QTGAL: variants seen among roughly 807,000 people sequenced by gnomAD.
QTGAL encodes queuosine-tRNA galactosyltransferase.
chr17:82,998,873 G>T, the QTGAL span, among the ~76,000 whole-genome samples: 3 of 151,756 alleles, frequency 2.0e-5, no homozygotes, highest in Non-Finnish European at 4.4e-5. Flanking sequence ...ATACATCTAC[G>T]AAAAGATGTT....
the QTGAL span, among the ~76,000 whole-genome samples, chr17:82,984,040 G>A: frequency 3.7e-5 from 5 of 136,468 alleles, no homozygotes; most frequent in Admixed American, 1.5e-4. Context: ...GGCCACGTGA[G>A]CACACAGGAG....
chr17:83,026,855 C>G, the QTGAL span, among the ~76,000 whole-genome samples: 1 of 131,914 alleles, frequency 7.6e-6, no homozygotes, highest in Non-Finnish European at 1.6e-5. Context: ...CCTCGACAGA[C>G]ACACAGAGCG....
At chr17:83,008,873 T>C in the QTGAL span, among the ~76,000 whole-genome samples, 1 of 151,640 alleles carries the variant, frequency 6.6e-6, no homozygotes, top group Middle Eastern at 3.2e-3. Flanking sequence ...GCCGAACGAG[T>C]GTGCGGGCTC....
At chr17:82,960,156 A>T in the QTGAL span, among the ~76,000 whole-genome samples, 1 of 152,130 alleles carries the variant, frequency 6.6e-6, no homozygotes, top group African/African-American at 2.4e-5. Context: ...TGCAGGAGTG[A>T]GGATGATGCC....
At chr17:82,990,365 C>T in the QTGAL span, among the ~76,000 whole-genome samples, 5 of 152,246 alleles carry the variant, frequency 3.3e-5, no homozygotes, top group Non-Finnish European at 7.3e-5. Flanking sequence ...GGAACGCCAA[C>T]GCAGGCAGTG....
chr17:83,012,627 C>A, the QTGAL span, among the ~76,000 whole-genome samples: 1 of 152,310 alleles, frequency 6.6e-6, no homozygotes, highest in South Asian at 2.1e-4. Flanking sequence ...GCAAAGGGAG[C>A]CGTTGGGCAG....
At chr17:82,967,954 T>G in the QTGAL span, among the ~76,000 whole-genome samples, 3 of 151,736 alleles carry the variant, frequency 2.0e-5, no homozygotes, top group South Asian at 6.3e-4. Flanking sequence ...ATATAAAAAG[T>G]AAAAATAAAA....
chr17:83,048,926 A>G, the QTGAL span: 27 of 683,474 alleles, frequency 4.0e-5, 1 homozygote, highest in East Asian at 1.0e-4. Flanking sequence ...GGCTCTTAAC[A>G]TGCTTGTAAG....
At chr17:83,001,439 G>A in the QTGAL span, among the ~76,000 whole-genome samples, 1 of 152,300 alleles carries the variant, frequency 6.6e-6, no homozygotes, top group East Asian at 1.9e-4. Flanking sequence ...AAAGGAAGAA[G>A]ATGAGAAAGT....
At chr17:83,043,283 C>G in the QTGAL span, among the ~76,000 whole-genome samples, 1 of 152,176 alleles carries the variant, frequency 6.6e-6, no homozygotes, top group African/African-American at 2.4e-5. Flanking sequence ...TAAAATGTAC[C>G]TTAAACATTT....
At chr17:82,949,477 G>A in the QTGAL span, 5 of 152,150 alleles carry the variant, frequency 3.3e-5, no homozygotes, top group Admixed American at 2.6e-4. Flanking sequence ...CAGTGCCACC[G>A]AGGTGCCCTG....
the QTGAL span, among the ~76,000 whole-genome samples, chr17:82,997,926 A>ATATAT: frequency 2.8e-3 from 272 of 97,508 alleles, 2 homozygotes; most frequent in Non-Finnish European, 3.6e-3. Context: ...GGTTTAAAAA[A>ATATAT]AAAAATATAT....
At chr17:83,008,089 G>A in the QTGAL span, among the ~76,000 whole-genome samples, 1 of 152,256 alleles carries the variant, frequency 6.6e-6, no homozygotes, top group African/African-American at 2.4e-5. Flanking sequence ...AGGAGGCGCA[G>A]GGAAGAGGTG....
At chr17:83,027,231 A>T in the QTGAL span, among the ~76,000 whole-genome samples, 1 of 152,310 alleles carries the variant, frequency 6.6e-6, no homozygotes, top group East Asian at 1.9e-4. Context: ...AGCTACCCTC[A>T]CACCGCCAAG....
chr17:82,957,037 G>C, the QTGAL span: 1 of 1,216,796 alleles, frequency 8.2e-7, no homozygotes, highest in Admixed American at 1.8e-5. Context: ...CTCCCCCCAA[G>C]AATGGGGGCT....
At chr17:82,959,200 G>C in the QTGAL span, among the ~76,000 whole-genome samples, 1 of 151,914 alleles carries the variant, frequency 6.6e-6, no homozygotes, top group Non-Finnish European at 1.5e-5. Context: ...GTGTGTGCAG[G>C]TGTTCGGAGT....
the QTGAL span, among the ~76,000 whole-genome samples, chr17:83,000,193 C>G: frequency 2.0e-5 from 3 of 152,116 alleles, no homozygotes; most frequent in Non-Finnish European, 2.9e-5. Flanking sequence ...GAACTCCTGA[C>G]CTCATGATCC....
chr17:83,007,694 T>G, the QTGAL span, among the ~76,000 whole-genome samples: 3 of 152,002 alleles, frequency 2.0e-5, no homozygotes, highest in Admixed American at 2.0e-4. Context: ...GCCCGACCCC[T>G]CCCCATGACT....
the QTGAL span, chr17:82,947,025 T>G: frequency 6.6e-7 from 1 of 1,521,842 alleles, no homozygotes; most frequent in Non-Finnish European, 8.9e-7. Context: ...GTCTCCTGGC[T>G]CTAGGAGGCC....
Sources: allele counts gnomAD v4.1 joint callset (sites outside exome capture counted in the v4.1 genomes callset), GRCh38; gene constraint gnomAD v4.1.1; transcripts MANE v1.5; gene names NCBI Gene and HGNC (gene_info 2026-07-23, HGNC 2026-07-21).